LAMA2: variants seen among roughly 807,000 people sequenced by gnomAD.
LAMA2 encodes laminin subunit alpha 2, also known as laminin subunit alpha-2.
A neutral mutation model predicts 364.8 loss-of-function variants in LAMA2; 269 were observed. The ratio of observed to expected loss-of-function variants is 0.74; its 90% CI spans 0.67 to 0.82. The LOEUF is 0.82. Ranked by LOEUF, LAMA2 falls within the 40% of genes least tolerant of loss-of-function variation. The pLI, the probability that LAMA2 is intolerant of heterozygous loss-of-function variation, is 0.00. For missense variants in LAMA2, 3,807 were observed against 3,873.2 expected (o/e 0.98, Z 0.45); for synonymous variants, 1,379 against 1,370.6 (o/e 1.01, Z -0.14).
At chr6:128,994,309 T>C (rs1196998762) in intron 1 of LAMA2, among the ~76,000 whole-genome samples, 1 of 152,192 alleles carries the variant, frequency 6.6e-6, no homozygotes, top group Non-Finnish European at 1.5e-5. Flanking sequence ...ATGTTTTCAG[T>C]ATATCACACT....
chr6:129,068,507 G>A (rs1222433176), intron 3 of LAMA2, among the ~76,000 whole-genome samples: 1 of 152,136 alleles, frequency 6.6e-6, no homozygotes, highest in Non-Finnish European at 1.5e-5. Flanking sequence ...AAGCTTTCTG[G>A]GGTTTCATTT....
chr6:129,230,019 CA>C (rs1274638307), intron 12 of LAMA2, among the ~76,000 whole-genome samples: 2 of 152,070 alleles, frequency 1.3e-5, no homozygotes, highest in Non-Finnish European at 2.9e-5. Context: ...ATGTTTGAAT[CA>C]TCAATCCATA....
At chr6:129,413,998 G>GAA (rs1780664509) in intron 40 of LAMA2, among the ~76,000 whole-genome samples, 1 of 110,094 alleles carries the variant, frequency 9.1e-6, no homozygotes, top group South Asian at 3.0e-4. Flanking sequence ...ATTAAGCAAA[G>GAA]AGAGACAACA....
At chr6:129,269,136 C>A (rs1193246690) in intron 16 of LAMA2, among the ~76,000 whole-genome samples, 3 of 151,938 alleles carry the variant, frequency 2.0e-5, no homozygotes, top group Non-Finnish European at 4.4e-5. Flanking sequence ...ATTTTTGGCA[C>A]CAGAACAAAA....
intron 1 of LAMA2, among the ~76,000 whole-genome samples, chr6:128,917,300 C>T (rs1296375287): frequency 6.6e-6 from 1 of 151,882 alleles, no homozygotes; most frequent in Non-Finnish European, 1.5e-5. Flanking sequence ...TGGTTGAGTA[C>T]CTTGAAGATT....
At chr6:128,946,615 C>T (rs373770721) in intron 1 of LAMA2, among the ~76,000 whole-genome samples, 17 of 152,182 alleles carry the variant, frequency 1.1e-4, no homozygotes, top group East Asian at 5.8e-4. Context: ...CCAAATAGCC[C>T]ATTACTCAAA....
chr6:129,180,856 A>T (rs1192245483), intron 10 of LAMA2, among the ~76,000 whole-genome samples: 1 of 152,106 alleles, frequency 6.6e-6, no homozygotes, highest in Non-Finnish European at 1.5e-5. Flanking sequence ...GTGGGAGACA[A>T]GTCTTAGTTC....
chr6:129,019,085 A>T lies in LAMA2; in HGVS notation c.113-30833A>T, dbSNP rs536938538. Among the ~76,000 whole-genome samples the T allele has an allele frequency of 2.0e-5, 3 of 152,202 alleles. No individual in the cohort carries two copies. The South Asian group carries it at 6.2e-4, about 32-fold the overall frequency. ...TATGCCCACTGTACTGTTTTTCTAC[A>T]TTGGATCTACCTTGTCAGGGATCCA... On this transcript the variant is annotated intron_variant, in intron 1 of 64. Coordinates refer to ENST00000421865, the MANE Select transcript of LAMA2 (RefSeq NM_000426.4).
chr6:128,966,454 C>T, intron 1 of LAMA2, among the ~76,000 whole-genome samples: 1 of 151,684 alleles, frequency 6.6e-6, no homozygotes, highest in East Asian at 1.9e-4. Flanking sequence ...TACGCAGGTC[C>T]CTTAAAATAA....
chr6:129,369,290 A>G (rs2114626009), intron 33 of LAMA2, among the ~76,000 whole-genome samples: 1 of 152,268 alleles, frequency 6.6e-6, no homozygotes, highest in Middle Eastern at 3.4e-3. Context: ...TGTTTCATTC[A>G]TCACTGGTTC....
Position 129,013,393 on chromosome 6 carries a change from C to T in LAMA2, c.113-36525C>T, listed in dbSNP as rs542561798. ...CGGAGCCTGCAGGGAGCCGAGATCG[C>T]GCCACTGCAGTCCGGCCTGGGCGAA... On this transcript the variant is annotated intron_variant, in intron 1 of 64. Transcript: ENST00000421865. 3.3e-3 allele frequency among the ~76,000 whole-genome samples: 504 copies of T among 151,974 alleles called. 1 individual carries two copies. The highest frequency in any genetic ancestry group is 0.017 in the Middle Eastern group (5 of 294).
At chr6:129,118,155 G>A (rs1375616580) in intron 4 of LAMA2, among the ~76,000 whole-genome samples, 1 of 152,170 alleles carries the variant, frequency 6.6e-6, no homozygotes, top group Admixed American at 6.5e-5. Flanking sequence ...AAATAAAAAT[G>A]TACACTGAAA....
At chr6:129,448,491 T>G (rs1782504523) in intron 45 of LAMA2, among the ~76,000 whole-genome samples, 1 of 152,236 alleles carries the variant, frequency 6.6e-6, no homozygotes, top group South Asian at 2.1e-4. Flanking sequence ...TTACATTTTC[T>G]GATTTGTAAA....
chr6:129,298,746 C>A (rs1341233622), intron 21 of LAMA2, among the ~76,000 whole-genome samples: 1 of 152,114 alleles, frequency 6.6e-6, no homozygotes, highest in Non-Finnish European at 1.5e-5. Context: ...ATTTAAAGAA[C>A]CAATATCTTT....
At chr6:129,515,576 G>C (rs1386639200) in intron 64 of LAMA2, among the ~76,000 whole-genome samples, 1 of 151,704 alleles carries the variant, frequency 6.6e-6, no homozygotes, top group African/African-American at 2.4e-5. Context: ...TAACCTTTAG[G>C]GATTTATTTT....
intron 1 of LAMA2, among the ~76,000 whole-genome samples, chr6:128,997,421 C>G (rs1162665879): frequency 1.3e-5 from 2 of 151,760 alleles, no homozygotes; most frequent in Non-Finnish European, 2.9e-5. Flanking sequence ...GCCAATGTGA[C>G]TAGAGTGAAG....
chr6:129,030,071 C>T lies in LAMA2; in HGVS notation c.113-19847C>T, dbSNP rs374559373. Among the ~76,000 whole-genome samples the T allele has an allele frequency of 3.9e-5, 6 of 152,148 alleles. No individual in the cohort carries two copies. The South Asian group carries it at 6.2e-4, about 16-fold the overall frequency. ...TCTAACCTGGGGTCCTAATCTTTGC[C>T]TAGGAATTTAAAGTAAAGATTGGCC... is the stretch of plus-strand genomic sequence containing the variant. On this transcript the variant is annotated intron_variant, in intron 1 of 64. Transcript: ENST00000421865.
At chr6:129,142,532 G>A (rs1006147774) in intron 4 of LAMA2, among the ~76,000 whole-genome samples, 11 of 151,920 alleles carry the variant, frequency 7.2e-5, no homozygotes, top group Non-Finnish European at 1.5e-5. Flanking sequence ...AATTTTAGTA[G>A]GGGGGAGGCA....
rs538289674 is a variant in LAMA2 at position 129,302,866 on chromosome 6, G to C, written c.3174+1994G>C. Among the ~76,000 whole-genome samples the C allele has an allele frequency of 2.6e-5, 4 of 152,148 alleles. No homozygotes were observed. In the South Asian group the frequency reaches 8.3e-4, roughly 32 times the overall value. On this transcript the variant is annotated intron_variant, in intron 22 of 64. Coordinates refer to ENST00000421865, the MANE Select transcript of LAMA2 (RefSeq NM_000426.4). The stretch of plus-strand genomic sequence containing the variant: ...ATATGTTAATTATTGTAGCTTTCCA[G>C]CAAGTCATAAAATCAGGTATTGTAA...
Sources: gnomAD v4.1 joint callset for allele counts (sites outside exome capture counted in the v4.1 genomes callset) on GRCh38, gnomAD v4.1.1 for gene constraint, MANE v1.5 for transcripts, NCBI Gene and HGNC (gene_info 2026-07-23, HGNC 2026-07-21) for gene names.